The following SMARCAD1 variants were observed in gnomAD, a reference collection of about 807,000 sequenced individuals.
The protein encoded by SMARCAD1 is SNF2 related chromatin remodeling ATPase with DExD box 1, also known as SWI/SNF-related matrix-associated actin-dependent regulator of chromatin subfamily A containing DEAD/H box 1.
SMARCAD1 carries 25 observed loss-of-function variants against 127.1 expected under a neutral mutation model. The ratio of observed to expected loss-of-function variants is 0.20; its 90% CI spans 0.14 to 0.27. The LOEUF (loss-of-function observed/expected upper bound fraction) is 0.27, where lower values mean the gene tolerates loss of function less well. Among genes scored for constraint, SMARCAD1 ranks in the 10% least tolerant of loss-of-function variants. The pLI, the probability that SMARCAD1 is intolerant of heterozygous loss-of-function variation, is 1.00. For missense variants in SMARCAD1, 807 were observed against 1,206.0 expected, an observed-to-expected ratio of 0.67 and a Z score of 4.90; for synonymous variants, 400 against 396.9, an observed-to-expected ratio of 1.01 and a Z score of -0.09.
At chr4:94,212,120 ATAT>A (rs1157230647) in intron 2 of SMARCAD1, among the ~76,000 whole-genome samples, 5 of 152,178 alleles carry the variant, frequency 3.3e-5, no homozygotes, top group African/African-American at 4.8e-5. Context: ...ATTGAAGTAA[ATAT>A]TATTGCATGA....
chr4:94,280,393 T>C (rs1312249626), intron 19 of SMARCAD1, among the ~76,000 whole-genome samples, 199 bp from the exon 20 acceptor site: 5 of 152,178 alleles, frequency 3.3e-5, no homozygotes, highest in Non-Finnish European at 5.9e-5. Flanking sequence ...TTTTAGTATG[T>C]TATCTCTCAA....
At position 94,258,964 on chromosome 4, in the gene SMARCAD1, ATTC is replaced by A. The variant is rs371409804; in HGVS notation, c.1282-5737_1282-5735del. 1.9e-3 allele frequency among the ~76,000 whole-genome samples: 287 copies of A among 152,210 alleles called. 1 individual carries two copies. Among genetic ancestry groups the A allele is most frequent in the African/African-American group, 6.6e-3 (276 of 41,578 alleles). The stretch of plus-strand genomic sequence containing the variant: ...GAATCAAACTTTCTAAAATCAAACT[ATTC>A]TTCTTTTTTTGTTGTTGTTAAATAT... On this transcript the variant is annotated intron_variant, in intron 9 of 23. Transcript: ENST00000354268.
intron 2 of SMARCAD1, among the ~76,000 whole-genome samples, chr4:94,220,343 AT>A (rs1435676440): frequency 6.6e-6 from 1 of 152,032 alleles, no homozygotes; most frequent in East Asian, 1.9e-4. Flanking sequence ...TGCCTCCCAG[AT>A]TGAAGCAATT....
intron 3 of SMARCAD1, 62 bp from the exon 4 acceptor site, chr4:94,233,892 A>G: frequency 6.6e-7 from 1 of 1,519,156 alleles, no homozygotes; most frequent in Non-Finnish European, 9.1e-7. Flanking sequence ...CATAGACACT[A>G]TAATGAAATA....
intron 9 of SMARCAD1, among the ~76,000 whole-genome samples, chr4:94,254,175 C>T (rs1450290244): frequency 1.3e-5 from 2 of 151,978 alleles, no homozygotes; most frequent in Admixed American, 6.6e-5. Flanking sequence ...ATTTGTTTTG[C>T]CTGAAGCCTT....
intron 6 of SMARCAD1, chr4:94,248,358 A>G (rs1463318187): frequency 2.6e-6 from 1 of 391,486 alleles, no homozygotes; most frequent in African/African-American, 2.1e-5. Flanking sequence ...TGAACAACTG[A>G]AGTTTAGTTT....
At chr4:94,212,416 C>G (rs1026050137) in intron 2 of SMARCAD1, among the ~76,000 whole-genome samples, 2 of 152,078 alleles carry the variant, frequency 1.3e-5, no homozygotes, top group Admixed American at 6.5e-5. Context: ...GTCAAGTGAT[C>G]CACGTGCCTT....
intron 2 of SMARCAD1, chr4:94,213,140 C>T: frequency 7.8e-7 from 1 of 1,274,664 alleles, no homozygotes; most frequent in South Asian, 1.3e-5. Flanking sequence ...TCCAAGAGCA[C>T]CAGGAGAAAA....
chr4:94,272,053 A>G (rs1309776575), intron 11 of SMARCAD1, among the ~76,000 whole-genome samples: 1 of 152,200 alleles, frequency 6.6e-6, no homozygotes, highest in Non-Finnish European at 1.5e-5. Context: ...GTGTATCGGT[A>G]GCTTGCGTTT....
chr4:94,250,904 T>C, intron 8 of SMARCAD1, 71 bp downstream of exon 8: 1 of 1,233,492 alleles, frequency 8.1e-7, no homozygotes, highest in Non-Finnish European at 1.2e-6. Flanking sequence ...AAGAAAATGG[T>C]ATATAAGAAA....
intron 5 of SMARCAD1, among the ~76,000 whole-genome samples, chr4:94,239,791 T>G: frequency 6.6e-6 from 1 of 152,076 alleles, no homozygotes; most frequent in Non-Finnish European, 1.5e-5. Flanking sequence ...AAGGCTGATC[T>G]CGAACTCCTG....
At position 94,233,937 on chromosome 4, in the gene SMARCAD1, T is replaced by C; in HGVS notation, c.369-17T>C. On this transcript the variant is annotated splice_polypyrimidine_tract_variant and intron_variant, in intron 3 of 23. Coordinates refer to ENST00000354268, the MANE Select transcript of SMARCAD1 (RefSeq NM_020159.5). ...ATACATTAAAAATGTTTTTTGCTCC[T>C]CTAAAAATATTTTTAGTTCTGAGCC... 6.2e-7 allele frequency: 1 copy of C among 1,612,938 alleles called. No homozygotes were observed. Among genetic ancestry groups the C allele is most frequent in the Non-Finnish European group, 8.5e-7 (1 of 1,179,216 alleles).
intron 11 of SMARCAD1, among the ~76,000 whole-genome samples, chr4:94,271,501 C>T (rs1383840031): frequency 3.9e-5 from 6 of 152,158 alleles, no homozygotes; most frequent in Admixed American, 3.3e-4. Flanking sequence ...GAAAATGTTA[C>T]ACTGTGTGTT....
At position 94,283,310 on chromosome 4, in the gene SMARCAD1, G is replaced by A. The variant is rs1041005802; in HGVS notation, c.2909+7G>A. 8 of 1,610,662 alleles carry A rather than the reference G, an allele frequency of 5.0e-6. No individual in the cohort carries two copies. Among genetic ancestry groups the A allele is most frequent in the East Asian group, 2.2e-5 (1 of 44,732 alleles). On this transcript the variant is annotated splice_region_variant and intron_variant, in intron 22 of 23. Transcript: ENST00000354268. ...ATAGAGTAGGCCAGACTAAGTAAGT[G>A]TTTTTAGTTGGAATGTATTTTTAAT...
At chr4:94,257,187 T>G (rs1268249503) in intron 9 of SMARCAD1, among the ~76,000 whole-genome samples, 3 of 152,218 alleles carry the variant, frequency 2.0e-5, no homozygotes, top group African/African-American at 7.2e-5. Flanking sequence ...AATTAGCTTT[T>G]TAACTTTCTT....
At position 94,237,445 on chromosome 4, in the gene SMARCAD1, C is replaced by T. The variant is rs1244319712; in HGVS notation, c.604+427C>T. ...TTTGAATGAGCTTGCAATATAGAAG[C>T]GTGTCCAGTTTTTAAATAAATGCTG... On this transcript the variant is annotated intron_variant, in intron 5 of 23. Transcript: ENST00000354268. Among the ~76,000 whole-genome samples, 5 of 150,808 alleles carry T rather than the reference C, an allele frequency of 3.3e-5. No homozygotes were observed. The East Asian group carries it at 5.9e-4, about 18-fold the overall frequency.
intron 9 of SMARCAD1, among the ~76,000 whole-genome samples, chr4:94,258,647 C>T (rs1390902363): frequency 1.3e-5 from 2 of 152,040 alleles, no homozygotes; most frequent in Non-Finnish European, 2.9e-5. Flanking sequence ...TAAGTGCATA[C>T]TAGGTGATAG....
At position 94,289,970 on chromosome 4, in the gene SMARCAD1, A is replaced by T. The variant is rs1560576189; in HGVS notation, c.*436A>T. On this transcript the variant is annotated 3_prime_UTR_variant, in exon 24 of 24. Transcript: ENST00000354268. The stretch of plus-strand genomic sequence containing the variant: ...GTCTTGTTTTTGCTTGTCTCATTTG[A>T]AGTTCTTTTTTATTATGTTAAAGAA... 2.2e-6 allele frequency: 1 copy of T among 454,196 alleles called. No individual in the cohort carries two copies. Among genetic ancestry groups the T allele is most frequent in the African/African-American group, 2.0e-5 (1 of 50,006 alleles). The allele number at this position is 454,196 out of a possible 1,614,324, so 28.1% of individuals were successfully genotyped here. A position where few individuals can be genotyped will look rare whatever the true frequency, so the allele number is the denominator to read the frequency against.
intron 12 of SMARCAD1, among the ~76,000 whole-genome samples, chr4:94,274,202 C>A (rs1204012374): frequency 2.0e-5 from 3 of 152,170 alleles, no homozygotes; most frequent in African/African-American, 7.2e-5. Flanking sequence ...AATATTTGGT[C>A]ATCTGCCCTT....
Sources: allele counts gnomAD v4.1 joint callset (sites outside exome capture counted in the v4.1 genomes callset), GRCh38; gene constraint gnomAD v4.1.1; transcripts MANE v1.5; gene names NCBI Gene and HGNC (gene_info 2026-07-23, HGNC 2026-07-21).